Variants in SEMA3C observed in about 807,000 individuals in gnomAD.
SEMA3C encodes semaphorin 3C, also known as semaphorin-3C.
SEMA3C carries 47 observed loss-of-function variants against 89.4 expected under a neutral mutation model. The observed-to-expected ratio is 0.53, with a 90% CI of 0.42 to 0.67. SEMA3C has a LOEUF of 0.67. SEMA3C is among the 30% of genes least tolerant of loss of function. The pLI is 0.00. For synonymous variants in SEMA3C, 310 were observed against 320.2 expected (o/e 0.97, Z 0.34); for missense variants, 839 against 929.1 (o/e 0.90, Z 1.26).
chr7:80,890,910 T>G (rs942008162), intron 2 of SEMA3C, among the ~76,000 whole-genome samples: 2 of 152,306 alleles, frequency 1.3e-5, no homozygotes, highest in South Asian at 4.1e-4. Flanking sequence ...GAGAAGCATA[T>G]GCACATGTTA....
At chr7:80,897,704 C>T (rs1192879358) in intron 2 of SEMA3C, among the ~76,000 whole-genome samples, 2 of 152,160 alleles carry the variant, frequency 1.3e-5, no homozygotes, top group Non-Finnish European at 2.9e-5. Context: ...TTGATACTGG[C>T]ATAAGCAAAC....
At chr7:80,859,108 A>G (rs1484142772) in intron 2 of SEMA3C, among the ~76,000 whole-genome samples, 4 of 152,006 alleles carry the variant, frequency 2.6e-5, no homozygotes, top group Non-Finnish European at 4.4e-5. Flanking sequence ...TAAATCCAAA[A>G]AAAAATAAAG....
intron 1 of SEMA3C, among the ~76,000 whole-genome samples, chr7:80,918,129 T>C (rs1327167751): frequency 2.2e-4 from 33 of 152,188 alleles, no homozygotes. Context: ...CTAAATTAAC[T>C]TAGAAAGAAA....
intron 2 of SEMA3C, among the ~76,000 whole-genome samples, chr7:80,887,791 G>A (rs185902113): frequency 4.3e-4 from 65 of 152,128 alleles, no homozygotes; most frequent in Admixed American, 3.9e-3. Context: ...CTCCAAATAC[G>A]TTCAACTCTT....
chr7:80,848,043 T>C (rs951352352), intron 2 of SEMA3C, among the ~76,000 whole-genome samples: 6 of 152,200 alleles, frequency 3.9e-5, no homozygotes, highest in African/African-American at 1.4e-4. Context: ...TTTCCTGATA[T>C]TTCCTTTGCT....
chr7:80,900,854 T>G (rs909953884), intron 2 of SEMA3C, among the ~76,000 whole-genome samples: 2 of 152,364 alleles, frequency 1.3e-5, no homozygotes, highest in Non-Finnish European at 2.9e-5. Context: ...CTTTTCTTCC[T>G]GTGTACTGCT....
chr7:80,822,239 T>G (rs926726920), intron 4 of SEMA3C, among the ~76,000 whole-genome samples: 4 of 152,062 alleles, frequency 2.6e-5, no homozygotes, highest in Non-Finnish European at 5.9e-5. Context: ...TATTTTTAAA[T>G]GTACCGTAGA....
At chr7:80,810,969 C>CA in intron 5 of SEMA3C, among the ~76,000 whole-genome samples, 1 of 152,176 alleles carries the variant, frequency 6.6e-6, no homozygotes, top group Non-Finnish European at 1.5e-5. Flanking sequence ...TCAACATCAG[C>CA]AAAAATCACT....
At chr7:80,841,668 A>T (rs1790272640) in intron 2 of SEMA3C, among the ~76,000 whole-genome samples, 2 of 152,142 alleles carry the variant, frequency 1.3e-5, no homozygotes, top group Non-Finnish European at 2.9e-5. Context: ...TTTGATATTT[A>T]AAAACTCAGC....
chr7:80,835,779 CTT>C lies in SEMA3C; in HGVS notation c.104-7036_104-7035del, dbSNP rs377738078. Among the ~76,000 whole-genome samples the C allele has an allele frequency of 6.0e-3, 908 of 152,260 alleles. 7 individuals carry two copies. Among genetic ancestry groups the C allele is most frequent in the African/African-American group, 0.021 (852 of 41,542 alleles). On this transcript the variant is annotated intron_variant, in intron 2 of 17. Transcript: ENST00000265361. ...GCAAGTGTTCTAGGTGCTTTATAAACTTAGTTCACACAATTTCCATTCAAAGT... is the reference window on the plus strand; with the variant it reads ...GCAAGTGTTCTAGGTGCTTTATAAACAGTTCACACAATTTCCATTCAAAGT...
intron 2 of SEMA3C, 74 bp from the exon 3 acceptor site, chr7:80,828,819 T>C (rs1017069882): frequency 2.6e-6 from 3 of 1,145,072 alleles, no homozygotes; most frequent in African/African-American, 3.2e-5. Context: ...TAAAAACTAT[T>C]ATGCAAATAT....
chr7:80,868,367 A>G (rs1034526174), intron 2 of SEMA3C, among the ~76,000 whole-genome samples: 1 of 152,152 alleles, frequency 6.6e-6, no homozygotes, highest in African/African-American at 2.4e-5. Context: ...TCCCAGGTTC[A>G]AGTGATTCTT....
At chr7:80,843,143 T>C (rs1790309122) in intron 2 of SEMA3C, among the ~76,000 whole-genome samples, 1 of 151,788 alleles carries the variant, frequency 6.6e-6, no homozygotes, top group African/African-American at 2.4e-5. Flanking sequence ...TATAGAAGAG[T>C]AGGATGACTG....
At chr7:80,783,837 A>G (rs777491940) in intron 12 of SEMA3C, among the ~76,000 whole-genome samples, 8 of 152,216 alleles carry the variant, frequency 5.3e-5, no homozygotes, top group South Asian at 2.1e-4. Flanking sequence ...CCTGGAACCA[A>G]TGTTCCAACT....
intron 2 of SEMA3C, among the ~76,000 whole-genome samples, chr7:80,894,791 CATT>C (rs1158846789): frequency 3.3e-5 from 5 of 152,074 alleles, no homozygotes; most frequent in Non-Finnish European, 5.9e-5. Flanking sequence ...CTTCACACTG[CATT>C]ATCTCAATTC....
intron 12 of SEMA3C, among the ~76,000 whole-genome samples, chr7:80,776,174 G>T (rs1788545866): frequency 6.6e-6 from 1 of 150,908 alleles, no homozygotes; most frequent in Non-Finnish European, 1.5e-5. Context: ...CTCTACAAAG[G>T]TTCTCTTTTT....
At chr7:80,894,285 T>C (rs1418378451) in intron 2 of SEMA3C, among the ~76,000 whole-genome samples, 1 of 152,132 alleles carries the variant, frequency 6.6e-6, no homozygotes, top group Non-Finnish European at 1.5e-5. Flanking sequence ...GTAAGTTAGA[T>C]CTGTATATTT....
chr7:80,802,656 T>C lies in SEMA3C; in HGVS notation c.916+9A>G, dbSNP rs776988775. 4 of 1,584,342 alleles carry C rather than the reference T, an allele frequency of 2.5e-6. No individual in the cohort carries two copies. The highest frequency in any genetic ancestry group is 1.1e-5 in the South Asian group (1 of 90,320). ...TTCAGAAGCATTTTTCAATCTCATA[T>C]GTATGTACCTAATTCATCAAAGTGT... is the stretch of plus-strand genomic sequence containing the variant. On this transcript the variant is annotated intron_variant, in intron 9 of 17. Transcript: ENST00000265361.
chr7:80,859,771 G>A (rs891316797), intron 2 of SEMA3C, among the ~76,000 whole-genome samples: 3 of 152,066 alleles, frequency 2.0e-5, no homozygotes, highest in Non-Finnish European at 2.9e-5. Flanking sequence ...GGCAAGCCAC[G>A]AGGCCTTATT....
Sources: allele counts gnomAD v4.1 joint callset (sites outside exome capture counted in the v4.1 genomes callset), GRCh38; gene constraint gnomAD v4.1.1; transcripts MANE v1.5; gene names NCBI Gene and HGNC (gene_info 2026-07-23, HGNC 2026-07-21).